The following WDR64 variants were observed in gnomAD, a reference collection of about 807,000 sequenced individuals.
WDR64 encodes the protein WD repeat domain 64, also known as WD repeat-containing protein 64.
WDR64 carries 112 observed loss-of-function variants against 139.3 expected under a neutral mutation model. That is an observed-to-expected ratio of 0.80 (90% CI 0.69 to 0.94). WDR64 has a LOEUF of 0.94. Among genes scored for constraint, WDR64 ranks in the 40% least tolerant of loss-of-function variants. The pLI is 0.00. For synonymous variants in WDR64, 444 were observed against 437.7 expected (o/e 1.01, Z -0.18); for missense variants, 1,206 against 1,293.1 (o/e 0.93, Z 1.03).
At chr1:241,687,270 CA>C (rs1667041325) in intron 7 of WDR64, among the ~76,000 whole-genome samples, 190 bp from the exon 8 acceptor site, 1 of 146,860 alleles carries the variant, frequency 6.8e-6, no homozygotes, top group Non-Finnish European at 1.5e-5. Context: ...CACCACTGCA[CA>C]CTCCAGCCTA....
intron 7 of WDR64, among the ~76,000 whole-genome samples, 154 bp from the exon 8 acceptor site, chr1:241,687,307 A>AC (rs1229566570): frequency 7.5e-6 from 1 of 133,110 alleles, no homozygotes; most frequent in Admixed American, 7.3e-5. Context: ...CTCCATCTAA[A>AC]AAAAAAAAAA....
intron 17 of WDR64, among the ~76,000 whole-genome samples, chr1:241,770,077 G>A (rs1356280609): frequency 1.3e-5 from 2 of 152,162 alleles, no homozygotes; most frequent in Non-Finnish European, 2.9e-5. Context: ...TGCTGGTTTG[G>A]GGTCACCCAG....
At chr1:241,798,142 C>A (rs920368130) in intron 27 of WDR64, among the ~76,000 whole-genome samples, 2 of 152,128 alleles carry the variant, frequency 1.3e-5, no homozygotes, top group African/African-American at 4.8e-5. Context: ...TATCCAAACA[C>A]AAAGACATTT....
intron 10 of WDR64, among the ~76,000 whole-genome samples, chr1:241,733,615 A>G (rs1431963590): frequency 6.7e-6 from 1 of 150,202 alleles, no homozygotes; most frequent in Non-Finnish European, 1.5e-5. Flanking sequence ...ACATATATGC[A>G]CATATTATAT....
intron 10 of WDR64, among the ~76,000 whole-genome samples, chr1:241,726,119 C>T (rs1384720416): frequency 2.0e-5 from 3 of 151,788 alleles, no homozygotes; most frequent in Non-Finnish European, 4.4e-5. Flanking sequence ...CTATGTTGCC[C>T]GAACTTCTGG....
chr1:241,779,003 T>G (rs1431643349), intron 21 of WDR64, among the ~76,000 whole-genome samples: 2 of 152,156 alleles, frequency 1.3e-5, no homozygotes, highest in Non-Finnish European at 2.9e-5. Flanking sequence ...TAAACCTATA[T>G]CATTTTTCTT....
intron 8 of WDR64, among the ~76,000 whole-genome samples, chr1:241,688,249 G>A (rs1276026889): frequency 6.6e-6 from 1 of 152,184 alleles, no homozygotes; most frequent in Non-Finnish European, 1.5e-5. Context: ...GACACAGAAA[G>A]TACATCAGTG....
chr1:241,699,482 A>C (rs1313421324), intron 8 of WDR64, among the ~76,000 whole-genome samples: 1 of 152,230 alleles, frequency 6.6e-6, no homozygotes, highest in East Asian at 1.9e-4. Flanking sequence ...AGGAGAAAAC[A>C]AATGAATGAA....
At chr1:241,677,200 A>C (rs1046738779) in intron 4 of WDR64, 1 of 396,928 alleles carries the variant, frequency 2.5e-6, no homozygotes, top group Middle Eastern at 6.3e-4. Flanking sequence ...AGGATTATGA[A>C]ACTTTTAAAG....
intron 4 of WDR64, among the ~76,000 whole-genome samples, chr1:241,675,107 T>G (rs1558466085): frequency 1.7e-5 from 2 of 119,840 alleles, no homozygotes; most frequent in Admixed American, 8.4e-5. Context: ...CCTCCCTCCT[T>G]CCTTCCTCCC....
chr1:241,713,395 AAGGG>A (rs1259418969), intron 9 of WDR64, among the ~76,000 whole-genome samples: 5 of 120,240 alleles, frequency 4.2e-5, no homozygotes, highest in African/African-American at 1.6e-4. Context: ...GGAAGGAAGG[AAGGG>A]AGGGAGGGAG....
intron 8 of WDR64, among the ~76,000 whole-genome samples, chr1:241,710,046 G>T (rs762794007): frequency 1.3e-5 from 2 of 150,102 alleles, no homozygotes; most frequent in Non-Finnish European, 3.0e-5. Flanking sequence ...GCTACCCTTT[G>T]TATTTTTAAA....
chr1:241,676,618 T>G (rs1666564047), intron 4 of WDR64, among the ~76,000 whole-genome samples: 1 of 152,174 alleles, frequency 6.6e-6, no homozygotes, highest in Non-Finnish European at 1.5e-5. Context: ...TTTCCAGAGA[T>G]GCTTTACAAA....
Position 241,723,309 on chromosome 1 carries a change from T to G in WDR64, c.1067T>G (p.Val356Gly), listed in dbSNP as rs1668674979. Residue 356 changes from valine (V) to glycine (G), a missense_variant, in exon 10 of 28, where the codon GTC becomes GGC. Transcript: ENST00000437684. Reference sequence around the variant, plus strand: ...TCCTCCTTTTCAGGAGATGATAAGGTCATCCGGTTGTGGCACCCCAATATC... The same window carrying G: ...TCCTCCTTTTCAGGAGATGATAAGGGCATCCGGTTGTGGCACCCCAATATC... ...NVIVTGGDDKVIRLWHPNIST... is the reference protein window; with the variant it reads ...NVIVTGGDDKGIRLWHPNIST... 6.2e-6 allele frequency: 10 copies of G among 1,613,798 alleles called. No individual in the cohort carries two copies. The highest frequency in any genetic ancestry group is 7.6e-6 in the Non-Finnish European group (9 of 1,179,838).
chr1:241,785,782 T>C (rs1167398162), intron 23 of WDR64, among the ~76,000 whole-genome samples: 1 of 152,126 alleles, frequency 6.6e-6, no homozygotes, highest in Non-Finnish European at 1.5e-5. Context: ...AAAGATGAGA[T>C]TTTTAAATAT....
intron 10 of WDR64, among the ~76,000 whole-genome samples, chr1:241,729,814 T>C (rs190556611): frequency 6.6e-6 from 1 of 152,290 alleles, no homozygotes; most frequent in Non-Finnish European, 1.5e-5. Context: ...TGCTTTCTGT[T>C]TGTATGGGAT....
chr1:241,778,041 C>G (rs1658723650), intron 21 of WDR64, among the ~76,000 whole-genome samples: 1 of 152,068 alleles, frequency 6.6e-6, no homozygotes, highest in South Asian at 2.1e-4. Context: ...ATTGATGGTG[C>G]CATTGATCTG....
intron 1 of WDR64, among the ~76,000 whole-genome samples, chr1:241,655,406 A>T (rs950446680): frequency 6.6e-6 from 1 of 152,116 alleles, no homozygotes; most frequent in South Asian, 2.1e-4. Context: ...CCCCCAAAAA[A>T]TAGTCTTTTT....
At chr1:241,765,979 G>A (rs1319501723) in intron 15 of WDR64, among the ~76,000 whole-genome samples, 1 of 152,086 alleles carries the variant, frequency 6.6e-6, no homozygotes, top group Non-Finnish European at 1.5e-5. Flanking sequence ...AAATAAGGCT[G>A]AGAAAAAGCA....
Sources: gnomAD v4.1 joint callset for allele counts (sites outside exome capture counted in the v4.1 genomes callset) on GRCh38, gnomAD v4.1.1 for gene constraint, MANE v1.5 for transcripts, NCBI Gene and HGNC (gene_info 2026-07-23, HGNC 2026-07-21) for gene names.